GLRA3: variants seen among roughly 807,000 people sequenced by gnomAD.
The protein encoded by GLRA3 is glycine receptor alpha 3, also known as glycine receptor subunit alpha-3.
GLRA3 carries 44 observed loss-of-function variants against 60.4 expected under a neutral mutation model. That is an observed-to-expected ratio of 0.73 (90% CI 0.57 to 0.94). The LOEUF is 0.94. Among genes scored for constraint, GLRA3 ranks in the 40% least tolerant of loss-of-function variants. The probability of loss-of-function intolerance (pLI) is 0.00; values close to 1 mark genes in which losing one functional copy is unlikely to be tolerated. For synonymous variants in GLRA3, 223 were observed against 192.9 expected (o/e 1.16, Z -1.29); for missense variants, 508 against 564.6 (o/e 0.90, Z 1.02).
In GLRA3 at chr4:174,637,525, AT is replaced by A. The variant is rs1732524280; in HGVS notation, c.*6260del. Reference sequence around the variant, plus strand: ...TTTTACATCTGAATCCTTTCCTGCCATTTAAGTCACAGCTCCCTAGTATTAA... The same window carrying A: ...TTTTACATCTGAATCCTTTCCTGCCATTAAGTCACAGCTCCCTAGTATTAA... On this transcript the variant is annotated 3_prime_UTR_variant, in exon 10 of 10. Coordinates refer to ENST00000274093, the MANE Select transcript of GLRA3 (RefSeq NM_006529.4). 1 of 152,226 alleles carries A rather than the reference AT, an allele frequency of 6.6e-6. No homozygotes were observed. The highest frequency in any genetic ancestry group is 2.4e-5 in the African/African-American group (1 of 41,468). 9.4% of individuals were successfully genotyped at this position (152,226 alleles called of 1,614,324 possible). A position where few individuals can be genotyped will look rare whatever the true frequency, so the allele number is the denominator to read the frequency against.
At chr4:174,688,760 T>C (rs1186166278) in intron 5 of GLRA3, among the ~76,000 whole-genome samples, 6 of 151,922 alleles carry the variant, frequency 3.9e-5, no homozygotes, top group Non-Finnish European at 8.8e-5. Context: ...GGATTGGAGA[T>C]TTAAGTTAAG....
intron 7 of GLRA3, among the ~76,000 whole-genome samples, chr4:174,669,475 C>T (rs1009133684): frequency 6.6e-6 from 1 of 152,140 alleles, no homozygotes; most frequent in Non-Finnish European, 1.5e-5. Flanking sequence ...TGACTCACAA[C>T]AGTCTTGCTG....
chr4:174,785,936 GT>G (rs752488665), intron 2 of GLRA3, among the ~76,000 whole-genome samples: 1,041 of 103,468 alleles, frequency 0.01, 5 homozygotes, highest in African/African-American at 0.031. Flanking sequence ...TGCCTGGCTA[GT>G]TTTTTTTTTT....
intron 9 of GLRA3, among the ~76,000 whole-genome samples, chr4:174,649,146 G>A (rs570207465): frequency 6.3e-4 from 96 of 152,232 alleles, no homozygotes; most frequent in African/African-American, 2.2e-3. Context: ...GCTGTGCTAT[G>A]GTTAAAGATG....
chr4:174,785,349 T>G (rs1211526476), intron 2 of GLRA3, among the ~76,000 whole-genome samples: 2 of 152,184 alleles, frequency 1.3e-5, no homozygotes, highest in Non-Finnish European at 1.5e-5. Flanking sequence ...AAAATAAATT[T>G]TCTTTCAATA....
At chr4:174,790,517 C>G (rs563942230) in intron 1 of GLRA3, among the ~76,000 whole-genome samples, 3 of 69,894 alleles carry the variant, frequency 4.3e-5, no homozygotes, top group African/African-American at 1.6e-4. Flanking sequence ...GGAAAAGCAT[C>G]GTTGGATTTT....
At position 174,734,821 on chromosome 4, in the gene GLRA3, G is replaced by A. The variant is rs553326616; in HGVS notation, c.268-6123C>T. 5.3e-5 allele frequency among the ~76,000 whole-genome samples: 8 copies of A among 152,094 alleles called. No homozygotes were observed. The South Asian group carries it at 6.2e-4, about 12-fold the overall frequency. On this transcript the variant is annotated intron_variant, in intron 3 of 9. Coordinates refer to ENST00000274093, the MANE Select transcript of GLRA3 (RefSeq NM_006529.4). Reference sequence around the variant, plus strand: ...AGAATACTACCCATTCTGTACACTCGAATGCAATAATTTCTGGAGAGGTAA... The same window carrying A: ...AGAATACTACCCATTCTGTACACTCAAATGCAATAATTTCTGGAGAGGTAA...
chr4:174,798,761 A>G (rs1739678237), intron 1 of GLRA3, among the ~76,000 whole-genome samples: 2 of 152,096 alleles, frequency 1.3e-5, no homozygotes, highest in Admixed American at 6.6e-5. Context: ...CGTCTCTACT[A>G]AAAATACAAA....
At chr4:174,654,486 T>A (rs1434401113) in intron 9 of GLRA3, among the ~76,000 whole-genome samples, 1 of 152,148 alleles carries the variant, frequency 6.6e-6, no homozygotes, top group African/African-American at 2.4e-5. Flanking sequence ...CTAGAACTAA[T>A]GATCCATTCC....
intron 1 of GLRA3, among the ~76,000 whole-genome samples, chr4:174,818,000 T>C (rs1476310204): frequency 6.6e-6 from 1 of 152,008 alleles, no homozygotes; most frequent in Non-Finnish European, 1.5e-5. Flanking sequence ...TTGACCATGT[T>C]AGTTTTTAAA....
chr4:174,661,180 T>C lies in GLRA3; in HGVS notation c.928-1983A>G, dbSNP rs10031146. ...GCTAGCAATCACACACACACACACA[T>C]ATTCACACACACACATAAAATGTAG... On this transcript the variant is annotated intron_variant, in intron 7 of 9. Transcript: ENST00000274093. 5.0e-3 allele frequency among the ~76,000 whole-genome samples: 754 copies of C among 151,870 alleles called. 1 individual carries two copies. The highest frequency in any genetic ancestry group is 0.017 in the African/African-American group (715 of 41,436).
chr4:174,735,258 T>A (rs1736728212), intron 3 of GLRA3, among the ~76,000 whole-genome samples: 1 of 152,106 alleles, frequency 6.6e-6, no homozygotes, highest in African/African-American at 2.4e-5. Context: ...GAGAAAAAAA[T>A]GGCAGAAGTT....
Position 174,828,742 on chromosome 4 carries a change from T to C in GLRA3, c.70A>G (p.Ser24Gly), listed in dbSNP as rs781326948. 1 of 1,600,210 alleles carries C rather than the reference T, an allele frequency of 6.2e-7. No individual in the cohort carries two copies. Among genetic ancestry groups the C allele is most frequent in the Non-Finnish European group, 8.6e-7 (1 of 1,167,328 alleles). The change falls in exon 1 of 10, where the codon AGT (serine) becomes GGT (glycine). Residue 24 changes from serine (S) to glycine (G), a missense_variant and splice_region_variant. This residue lies in a region of GLRA3 where 329 missense variants were observed against 349.3 expected (regional missense o/e 0.94). Transcript: ENST00000274093. ...ACTGTTAAATCCAAGCGAACTCACC[T>C]GAGTAACAGTGCTGCTTCCCAGAAG... ...FYFWEAALLL[S>G]LVATKETDSA...
intron 1 of GLRA3, among the ~76,000 whole-genome samples, chr4:174,812,142 G>T (rs1740300600): frequency 6.6e-6 from 1 of 151,946 alleles, no homozygotes; most frequent in South Asian, 2.1e-4. Context: ...TTTTACTTGG[G>T]ATATTTTAAG....
In GLRA3 at chr4:174,643,238, CT is replaced by C. The variant is rs1732681321; in HGVS notation, c.*547del. ...CAAATCATTAAAGTCTTTTAATGCT[CT>C]TATTTAAAAATTTTCAAAATTACAT... is the stretch of plus-strand genomic sequence containing the variant. On this transcript the variant is annotated 3_prime_UTR_variant, in exon 10 of 10. Transcript: ENST00000274093. 1.4e-6 allele frequency: 1 copy of C among 700,940 alleles called. No homozygotes were observed. The highest frequency in any genetic ancestry group is 1.7e-6 in the Non-Finnish European group (1 of 572,264). 43.4% of individuals were successfully genotyped at this position (700,940 alleles called of 1,614,324 possible).
At chr4:174,776,465 G>A (rs1282811398) in intron 2 of GLRA3, among the ~76,000 whole-genome samples, 2 of 151,734 alleles carry the variant, frequency 1.3e-5, no homozygotes, top group Non-Finnish European at 2.9e-5. Flanking sequence ...TTATCCTGCA[G>A]GAAGAAGCAA....
intron 3 of GLRA3, among the ~76,000 whole-genome samples, chr4:174,741,118 T>C (rs999224897): frequency 1.2e-4 from 19 of 152,338 alleles, no homozygotes; most frequent in Middle Eastern, 3.4e-3. Context: ...CTGGGTCATA[T>C]TAAGTGCATG....
At chr4:174,656,219 G>T (rs1733198184) in intron 9 of GLRA3, among the ~76,000 whole-genome samples, 1 of 152,054 alleles carries the variant, frequency 6.6e-6, no homozygotes, top group Non-Finnish European at 1.5e-5. Context: ...AAAGGATGCT[G>T]CTATCAAAAC....
chr4:174,784,856 A>G (rs1375493953), intron 2 of GLRA3, among the ~76,000 whole-genome samples: 1 of 152,150 alleles, frequency 6.6e-6, no homozygotes, highest in Non-Finnish European at 1.5e-5. Flanking sequence ...AAATTATCCT[A>G]AAGGCACAGG....
Sources: gnomAD v4.1 joint callset for allele counts (sites outside exome capture counted in the v4.1 genomes callset) on GRCh38, gnomAD v4.1.1 for gene constraint, gnomAD v4.1.1 regional missense constraint, MANE v1.5 for transcripts, NCBI Gene and HGNC (gene_info 2026-07-23, HGNC 2026-07-21) for gene names.